Variants in TENM3 observed in about 807,000 individuals in gnomAD.
The protein encoded by TENM3 is teneurin transmembrane protein 3, also known as teneurin-3.
In TENM3, 63 loss-of-function variants were observed where a neutral mutation model predicts 255.1. The ratio of observed to expected loss-of-function variants is 0.25; its 90% CI spans 0.20 to 0.30. TENM3 has a LOEUF of 0.30. Ranked by LOEUF, TENM3 falls within the 10% of genes least tolerant of loss-of-function variation. The pLI is 1.00. For synonymous variants in TENM3, 1,306 were observed against 1,322.3 expected (o/e 0.99, Z 0.27); for missense variants, 2,929 against 3,461.1 (o/e 0.85, Z 3.86).
the TENM3 span, among the ~76,000 whole-genome samples, chr4:181,650,676 T>C: frequency 6.6e-6 from 1 of 152,160 alleles, no homozygotes; most frequent in Non-Finnish European, 1.5e-5. Flanking sequence ...CAGATGTCAT[T>C]TCATACAATT....
chr4:181,473,618 T>C, the TENM3 span, among the ~76,000 whole-genome samples: 1 of 149,560 alleles, frequency 6.7e-6, no homozygotes, highest in Non-Finnish European at 1.5e-5. Context: ...AAAAATGAAA[T>C]GAAAAAAAAA....
chr4:182,696,931 G>A (rs1171160967), intron 12 of TENM3, among the ~76,000 whole-genome samples: 1 of 151,578 alleles, frequency 6.6e-6, no homozygotes, highest in Non-Finnish European at 1.5e-5. Flanking sequence ...TTCCAGCTCT[G>A]TCACTTCATA....
At chr4:182,108,436 G>A in the TENM3 span, among the ~76,000 whole-genome samples, 9 of 152,228 alleles carry the variant, frequency 5.9e-5, no homozygotes, top group South Asian at 1.7e-3. Context: ...TCTTTATAAA[G>A]GCAGACTTGG....
the TENM3 span, among the ~76,000 whole-genome samples, chr4:181,682,907 C>T: frequency 0.01 from 1,583 of 151,932 alleles, 28 homozygotes; most frequent in African/African-American, 0.036. Context: ...ATCTCAGGGG[C>T]GGCTTGTAAC....
chr4:182,293,424 G>A (rs1426533687), intron 1 of TENM3, among the ~76,000 whole-genome samples: 3 of 152,144 alleles, frequency 2.0e-5, no homozygotes, highest in East Asian at 1.9e-4. Context: ...ACCTTACGTG[G>A]AATTCACTTA....
the TENM3 span, among the ~76,000 whole-genome samples, chr4:182,096,025 G>A: frequency 6.6e-6 from 1 of 151,818 alleles, no homozygotes. Context: ...AGCTACTTGG[G>A]AGGCTGAGGT....
chr4:182,449,723 CT>C (rs1343345654), intron 3 of TENM3, among the ~76,000 whole-genome samples: 1 of 152,188 alleles, frequency 6.6e-6, no homozygotes, highest in African/African-American at 2.4e-5. Context: ...AAAGAGCAGT[CT>C]TTTGCCTGCG....
At chr4:182,188,052 T>G (rs1273995021) in intron 1 of TENM3, among the ~76,000 whole-genome samples, 1 of 152,172 alleles carries the variant, frequency 6.6e-6, no homozygotes, top group African/African-American at 2.4e-5. Flanking sequence ...AGAAAGTTTG[T>G]TTTGAAATAC....
At chr4:182,466,025 G>T (rs1353091146) in intron 3 of TENM3, among the ~76,000 whole-genome samples, 1 of 152,066 alleles carries the variant, frequency 6.6e-6, no homozygotes, top group African/African-American at 2.4e-5. Flanking sequence ...GTACGTTATG[G>T]TTTATTAGGC....
chr4:182,130,479 G>T, the TENM3 span, among the ~76,000 whole-genome samples: 9 of 152,126 alleles, frequency 5.9e-5, no homozygotes, highest in African/African-American at 2.2e-4. Flanking sequence ...GTGTTTAAGT[G>T]ACAGTGCAAT....
chr4:182,775,454 C>T (rs1436093600), intron 24 of TENM3, among the ~76,000 whole-genome samples: 1 of 152,176 alleles, frequency 6.6e-6, no homozygotes, highest in African/African-American at 2.4e-5. Context: ...TTCCAGGTCA[C>T]TTTCACAGAG....
intron 3 of TENM3, among the ~76,000 whole-genome samples, chr4:182,377,008 T>A (rs1432398626): frequency 1.3e-5 from 2 of 152,176 alleles, no homozygotes; most frequent in Admixed American, 1.3e-4. Context: ...CCCGGAATAC[T>A]CCAGGTTTAT....
At chr4:181,957,781 T>C in the TENM3 span, among the ~76,000 whole-genome samples, 2 of 152,172 alleles carry the variant, frequency 1.3e-5, no homozygotes, top group African/African-American at 4.8e-5. Flanking sequence ...TACTGTTATT[T>C]AAAAATTTGG....
chr4:182,763,490 A>G (rs974614907), intron 22 of TENM3, among the ~76,000 whole-genome samples: 3 of 151,938 alleles, frequency 2.0e-5, no homozygotes, highest in Non-Finnish European at 2.9e-5. Context: ...GCGTGAACCC[A>G]GGAGTTGGAG....
chr4:182,131,035 T>A, the TENM3 span, among the ~76,000 whole-genome samples: 6 of 152,266 alleles, frequency 3.9e-5, no homozygotes, highest in East Asian at 1.2e-3. Flanking sequence ...TGACCCTTGG[T>A]GTTTCAAGTG....
chr4:181,752,695 C>T, the TENM3 span, among the ~76,000 whole-genome samples: 1 of 151,840 alleles, frequency 6.6e-6, no homozygotes, highest in African/African-American at 2.4e-5. Flanking sequence ...TTCTCAAACC[C>T]CTGCCGCAGA....
chr4:181,656,841 G>C, the TENM3 span, among the ~76,000 whole-genome samples: 1 of 152,230 alleles, frequency 6.6e-6, no homozygotes, highest in African/African-American at 2.4e-5. Flanking sequence ...GGTGCAGTAA[G>C]TCTGAGAGTA....
chr4:182,421,327 A>G (rs1160362111), intron 3 of TENM3, among the ~76,000 whole-genome samples: 1 of 152,198 alleles, frequency 6.6e-6, no homozygotes, highest in African/African-American at 2.4e-5. Context: ...ATTAAGGATC[A>G]TCCAACGTCA....
chr4:181,973,287 AAGGATGAAG>A, the TENM3 span, among the ~76,000 whole-genome samples: 1 of 152,184 alleles, frequency 6.6e-6, no homozygotes, highest in Non-Finnish European at 1.5e-5. Context: ...TCAGTGAACA[AAGGATGAAG>A]ATTCTACCTC....
Sources: allele counts gnomAD v4.1 joint callset (sites outside exome capture counted in the v4.1 genomes callset), GRCh38; gene constraint gnomAD v4.1.1; transcripts MANE v1.5; gene names NCBI Gene and HGNC (gene_info 2026-07-23, HGNC 2026-07-21).